Variants in CNGB3 observed in about 807,000 individuals in gnomAD.
The protein encoded by CNGB3 is cyclic nucleotide-gated channel beta-3.
Under a neutral mutation model 92.8 loss-of-function variants are expected in CNGB3, and 86 were observed. That is an observed-to-expected ratio of 0.93 (90% CI 0.78 to 1.11). The LOEUF is 1.11. Ranked by LOEUF, CNGB3 falls within the 50% of genes least tolerant of loss-of-function variation. The pLI is 0.00. For synonymous variants in CNGB3, 333 were observed against 332.7 expected (o/e 1.00, Z -0.01); for missense variants, 1,026 against 956.8 (o/e 1.07, Z -0.95).
chr8:86,672,398 C>T (rs1823877681), intron 3 of CNGB3, among the ~76,000 whole-genome samples: 1 of 152,158 alleles, frequency 6.6e-6, no homozygotes, highest in African/African-American at 2.4e-5. Flanking sequence ...CGTCCCCAGC[C>T]AATGAACTTC....
At chr8:86,738,451 G>C (rs1825283389) in intron 2 of CNGB3, among the ~76,000 whole-genome samples, 1 of 152,152 alleles carries the variant, frequency 6.6e-6, no homozygotes, top group Non-Finnish European at 1.5e-5. Context: ...GGGTGACATA[G>C]AGTTCTAAAC....
At chr8:86,653,921 A>C (rs1427098297) in intron 7 of CNGB3, 91 bp downstream of exon 7, 5 of 906,420 alleles carry the variant, frequency 5.5e-6, no homozygotes, top group Non-Finnish European at 9.3e-6. Context: ...CTTCGTATGT[A>C]CAAACTTTGT....
chr8:86,633,214 T>G (rs1822996448), intron 10 of CNGB3, among the ~76,000 whole-genome samples: 1 of 152,198 alleles, frequency 6.6e-6, no homozygotes, highest in Non-Finnish European at 1.5e-5. Flanking sequence ...TCATTTATGT[T>G]CCATGATGAC....
chr8:86,693,780 AG>A (rs1211431601), intron 3 of CNGB3, among the ~76,000 whole-genome samples: 6 of 151,776 alleles, frequency 4.0e-5, no homozygotes, highest in Non-Finnish European at 8.8e-5. Flanking sequence ...ACAGATCAAC[AG>A]GATCCCAAGG....
rs1238358173 is a variant in CNGB3, at chr8:86,675,027, C to T, written c.339-3929G>A. Among the ~76,000 whole-genome samples the T allele has an allele frequency of 3.3e-5, 5 of 152,004 alleles. No homozygotes were observed. The East Asian group carries it at 7.7e-4, about 24-fold the overall frequency. Reference sequence around the variant, plus strand: ...AGGCTGGAAAGCAGTGGTGCAATCTCGGCTCACTGCAACCTCTGCCTTCCA... The same window carrying T: ...AGGCTGGAAAGCAGTGGTGCAATCTTGGCTCACTGCAACCTCTGCCTTCCA... On this transcript the variant is annotated intron_variant, in intron 3 of 17. Coordinates refer to ENST00000320005, the MANE Select transcript of CNGB3 (RefSeq NM_019098.5).
intron 13 of CNGB3, among the ~76,000 whole-genome samples, chr8:86,613,238 T>C (rs902861020): frequency 3.3e-5 from 5 of 152,232 alleles, no homozygotes; most frequent in Non-Finnish European, 4.4e-5. Context: ...ATATTTGTTT[T>C]AGTCCTACTA....
chr8:86,666,972 G>A lies in CNGB3; in HGVS notation c.805C>T (p.Leu269=), dbSNP rs1404033010. ...ICDIIYLYDM[L]FIQPRLQFVR... is the part of the protein sequence containing the mutation. ...AACTGGAGTCTGGGCTGGATAAATAGCATATCATAAAGGTAGATGATATCA... is the reference window on the plus strand; with the variant it reads ...AACTGGAGTCTGGGCTGGATAAATAACATATCATAAAGGTAGATGATATCA... The change falls in exon 6 of 18, where the codon CTA becomes TTA. Residue 269 remains leucine (L), a synonymous_variant. Coordinates refer to ENST00000320005, the MANE Select transcript of CNGB3 (RefSeq NM_019098.5). 6.2e-7 allele frequency: 1 copy of A among 1,613,352 alleles called. No individual in the cohort carries two copies. Among genetic ancestry groups the A allele is most frequent in the Admixed American group, 1.7e-5 (1 of 60,004 alleles).
intron 3 of CNGB3, among the ~76,000 whole-genome samples, chr8:86,673,892 C>T (rs1823913879): frequency 6.6e-6 from 1 of 152,034 alleles, no homozygotes; most frequent in Non-Finnish European, 1.5e-5. Context: ...ACAGTTCTGA[C>T]AATAAGAACT....
chr8:86,594,034 G>T, intron 15 of CNGB3: 3 of 368,956 alleles, frequency 8.1e-6, no homozygotes, highest in Non-Finnish European at 1.6e-5. Context: ...TGAGGACCCT[G>T]CCAAGCCCAC....
At chr8:86,729,252 C>A (rs1238769498) in intron 2 of CNGB3, among the ~76,000 whole-genome samples, 2 of 152,104 alleles carry the variant, frequency 1.3e-5, no homozygotes, top group Non-Finnish European at 2.9e-5. Flanking sequence ...ATACCTCCTC[C>A]ATCTCTCATT....
At chr8:86,715,512 G>A (rs1019515002) in intron 3 of CNGB3, among the ~76,000 whole-genome samples, 3 of 151,972 alleles carry the variant, frequency 2.0e-5, no homozygotes, top group Non-Finnish European at 2.9e-5. Flanking sequence ...ACCACATCAT[G>A]GGAGCACCCC....
chr8:86,730,291 G>C (rs972824001), intron 2 of CNGB3, among the ~76,000 whole-genome samples: 4 of 152,188 alleles, frequency 2.6e-5, no homozygotes, highest in African/African-American at 7.2e-5. Flanking sequence ...TTACATAAAT[G>C]CTGGACAGGA....
At chr8:86,656,485 G>A (rs1823507352) in intron 6 of CNGB3, among the ~76,000 whole-genome samples, 1 of 152,146 alleles carries the variant, frequency 6.6e-6, no homozygotes. Flanking sequence ...TTAGCCTTAT[G>A]AGGATCAGCA....
chr8:86,659,971 G>A, intron 6 of CNGB3: 1 of 345,602 alleles, frequency 2.9e-6, no homozygotes, highest in South Asian at 2.5e-5. Context: ...AGAAAGTCTT[G>A]GTTTCATCCA....
At chr8:86,661,859 T>G in intron 6 of CNGB3, 1 of 1,242,040 alleles carries the variant, frequency 8.1e-7, no homozygotes, top group Non-Finnish European at 1.2e-6. Context: ...CCAGAACTGA[T>G]GTCAGATTTG....
intron 15 of CNGB3, among the ~76,000 whole-genome samples, chr8:86,586,671 A>C (rs1385583689): frequency 6.6e-6 from 1 of 151,014 alleles, no homozygotes; most frequent in Non-Finnish European, 1.5e-5. Flanking sequence ...TGAATTCATC[A>C]TTTTTTATGG....
intron 6 of CNGB3, among the ~76,000 whole-genome samples, chr8:86,654,621 T>G (rs563205973): frequency 6.6e-6 from 1 of 152,314 alleles, no homozygotes; most frequent in South Asian, 2.1e-4. Context: ...TAAATATTTA[T>G]TAACTGAATG....
At chr8:86,582,530 G>A (rs114236185) in intron 15 of CNGB3, among the ~76,000 whole-genome samples, 2,704 of 152,186 alleles carry the variant, frequency 0.018, 75 homozygotes, top group African/African-American at 0.062. Context: ...CAACTTCTGG[G>A]CATATCATAT....
intron 10 of CNGB3, among the ~76,000 whole-genome samples, chr8:86,636,311 C>T (rs1823070203): frequency 6.6e-6 from 1 of 151,952 alleles, no homozygotes; most frequent in Non-Finnish European, 1.5e-5. Flanking sequence ...GCGGCTCACA[C>T]CTGTAATCCC....
Sources: allele counts gnomAD v4.1 joint callset (sites outside exome capture counted in the v4.1 genomes callset), GRCh38; gene constraint gnomAD v4.1.1; transcripts MANE v1.5; gene names NCBI Gene and HGNC (gene_info 2026-07-23, HGNC 2026-07-21).